Variants in ISM1 observed in about 807,000 individuals in gnomAD.
ISM1 encodes the protein isthmin-1.
Under a neutral mutation model 46.3 loss-of-function variants are expected in ISM1, and 25 were observed. The observed-to-expected ratio is 0.54, with a 90% confidence interval of 0.39 to 0.75. ISM1 has a LOEUF of 0.75. Ranked by LOEUF, ISM1 falls within the 30% of genes least tolerant of loss-of-function variation. The probability of loss-of-function intolerance (pLI) is 0.00; values close to 1 mark genes in which losing one functional copy is unlikely to be tolerated. For missense variants in ISM1, 536 were observed against 625.4 expected (o/e 0.86, Z 1.52); for synonymous variants, 255 against 256.7 (o/e 0.99, Z 0.06).
chr20:13,297,168 C>A (rs1352723118), intron 5 of ISM1, among the ~76,000 whole-genome samples: 1 of 152,174 alleles, frequency 6.6e-6, no homozygotes, highest in African/African-American at 2.4e-5. Context: ...TTTCTAAGTC[C>A]TATGGGGAAA....
At chr20:13,290,224 T>C (rs560957097) in intron 4 of ISM1, among the ~76,000 whole-genome samples, 160 of 151,824 alleles carry the variant, frequency 1.1e-3, no homozygotes, top group African/African-American at 3.8e-3. Flanking sequence ...GTGGGTGGAA[T>C]CTGGATGTGT....
chr20:13,257,360 C>T (rs1324668394), intron 1 of ISM1, among the ~76,000 whole-genome samples: 1 of 151,964 alleles, frequency 6.6e-6, no homozygotes, highest in Non-Finnish European at 1.5e-5. Flanking sequence ...ACTAAAAATA[C>T]AAAAAAATTA....
chr20:13,320,484 A>T, the ISM1 span, among the ~76,000 whole-genome samples: 81 of 152,338 alleles, frequency 5.3e-4, no homozygotes, highest in African/African-American at 1.8e-3. Flanking sequence ...GAAGTATAGG[A>T]CAGATATTAG....
At chr20:13,264,321 G>T (rs549385512) in intron 1 of ISM1, among the ~76,000 whole-genome samples, 1 of 152,192 alleles carries the variant, frequency 6.6e-6, no homozygotes, top group East Asian at 1.9e-4. Flanking sequence ...TTACTGATTT[G>T]TGCCTCTTCT....
At chr20:13,321,253 T>TAAAAAAAAAAAAAAAAAAAAAAAAAAA in the ISM1 span, among the ~76,000 whole-genome samples, 2 of 57,518 alleles carry the variant, frequency 3.5e-5, no homozygotes, top group African/African-American at 7.6e-5. Flanking sequence ...GTGCCCCACA[T>TAAAAAAAAAAAAAAAAAAAAAAAAAAA]AAAAAAAAAA....
intron 5 of ISM1, among the ~76,000 whole-genome samples, chr20:13,292,893 T>C: frequency 6.6e-6 from 1 of 152,068 alleles, no homozygotes. Context: ...CTCCATCCCC[T>C]GCAAAAATTT....
chr20:13,306,564 C>CAAAAAGAAAAAA, the ISM1 span, among the ~76,000 whole-genome samples: 1 of 63,914 alleles, frequency 1.6e-5, no homozygotes, highest in Non-Finnish European at 2.6e-5. Flanking sequence ...GGAGAAAGGA[C>CAAAAAGAAAAAA]AAAAAAAAAA....
Position 13,270,583 on chromosome 20 carries a change from AC to A in ISM1, c.220del (p.His74ThrfsTer56), listed in dbSNP as rs1449629333. 1 of 1,613,850 alleles carries A rather than the reference AC, an allele frequency of 6.2e-7. No individual in the cohort carries two copies. The highest frequency in any genetic ancestry group is 1.3e-5 in the African/African-American group (1 of 74,910). On this transcript the variant is annotated frameshift_variant, in exon 2 of 6. Transcript: ENST00000262487. LOFTEE classifies it high-confidence loss of function. ...AAAGAAGCACCAAGGGAGCATCTGG[AC>A]CACCAGGCTGCACACCAACCCTTCC... ...LSKEAPREHL[D>X]HQAAHQPFPR...
chr20:13,260,472 T>C (rs942270905), intron 1 of ISM1, among the ~76,000 whole-genome samples: 7 of 152,210 alleles, frequency 4.6e-5, no homozygotes, highest in African/African-American at 1.2e-4. Flanking sequence ...GGTAGAAGGA[T>C]AGAGAGAAAG....
chr20:13,244,693 G>C (rs930556230), intron 1 of ISM1, among the ~76,000 whole-genome samples: 14 of 152,182 alleles, frequency 9.2e-5, no homozygotes, highest in African/African-American at 3.4e-4. Flanking sequence ...TCCCTGGCCA[G>C]GTTTTGACCA....
chr20:13,270,734 A>T lies in ISM1; in HGVS notation c.369A>T (p.Pro123=), dbSNP rs1386253381. ...LSKADINGQN[P]NIQVTIEVVD... ...AAGCTGATATCAATGGGCAGAATCC[A>T]AATATCCAGGTAATTCTTGGCACCT... Residue 123 remains proline (P), a synonymous_variant, in exon 2 of 6, where the codon CCA becomes CCT. Transcript: ENST00000262487. 11 of 1,613,726 alleles carry T rather than the reference A, an allele frequency of 6.8e-6. No homozygotes were observed. Among genetic ancestry groups the T allele is most frequent in the Non-Finnish European group, 9.3e-6 (11 of 1,179,744 alleles).
intron 4 of ISM1, among the ~76,000 whole-genome samples, chr20:13,292,003 G>A (rs2040358149): frequency 6.6e-6 from 1 of 152,170 alleles, no homozygotes; most frequent in Non-Finnish European, 1.5e-5. Flanking sequence ...AACGCACACA[G>A]TCAGTCATTA....
At chr20:13,301,652 G>A (rs910404527), downstream of ISM1, among the ~76,000 whole-genome samples, 13 of 152,068 alleles carry the variant, frequency 8.5e-5, no homozygotes, top group East Asian at 9.6e-4. Context: ...GAATCAATGC[G>A]TCCGTGTATC....
chr20:13,266,988 A>G (rs778104793), intron 1 of ISM1, among the ~76,000 whole-genome samples: 4 of 152,202 alleles, frequency 2.6e-5, no homozygotes, highest in Non-Finnish European at 5.9e-5. Context: ...CTTCTGCATT[A>G]CTAGGATATT....
At chr20:13,257,290 G>A (rs2039939265) in intron 1 of ISM1, among the ~76,000 whole-genome samples, 2 of 152,180 alleles carry the variant, frequency 1.3e-5, no homozygotes, top group Non-Finnish European at 2.9e-5. Flanking sequence ...CAAAGTGGGA[G>A]GATCATCTGA....
Position 13,295,521 on chromosome 20 carries a change from C to G in ISM1, c.877+3058C>G, listed in dbSNP as rs144064019. On this transcript the variant is annotated intron_variant, in intron 5 of 5. Transcript: ENST00000262487. ...CAATGAATGCTACCTGGAGAGCCTT[C>G]CCTTGTCCTTCCCCCATCGATGCTA... 2.9e-3 allele frequency among the ~76,000 whole-genome samples: 437 copies of G among 152,322 alleles called. 2 individuals are homozygous for G. Among genetic ancestry groups the G allele is most frequent in the Non-Finnish European group, 2.9e-3 (194 of 68,038 alleles).
Position 13,300,641 on chromosome 20 carries a change from A to G in ISM1, c.*1182A>G, listed in dbSNP as rs1395634687. The stretch of plus-strand genomic sequence containing the variant: ...AAAAGAGAGTATATAATAAAATCAT[A>G]ATAAAAGGTGTTACCTGCATCCTTC... On this transcript the variant is annotated 3_prime_UTR_variant, in exon 6 of 6. Coordinates refer to ENST00000262487, the MANE Select transcript of ISM1 (RefSeq NM_080826.2). The G allele has an allele frequency of 6.6e-6, 1 of 152,222 alleles. No individual in the cohort carries two copies. The highest frequency in any genetic ancestry group is 1.5e-5 in the Non-Finnish European group (1 of 68,040). The allele number at this position is 152,222 out of a possible 1,614,324, so 9.4% of individuals were successfully genotyped here. A position where few individuals can be genotyped will look rare whatever the true frequency, so the allele number is the denominator to read the frequency against.
chr20:13,297,066 C>G (rs2040414082), intron 5 of ISM1, among the ~76,000 whole-genome samples: 1 of 152,076 alleles, frequency 6.6e-6, no homozygotes, highest in Non-Finnish European at 1.5e-5. Flanking sequence ...TTGTCCTGAT[C>G]AATCAGTGAG....
the ISM1 span, among the ~76,000 whole-genome samples, chr20:13,313,356 A>C: frequency 2.0e-5 from 3 of 152,248 alleles, no homozygotes; most frequent in Admixed American, 2.0e-4. Flanking sequence ...GGATGTGTAA[A>C]CAGACTGTAG....
Sources: gnomAD v4.1 joint callset for allele counts (sites outside exome capture counted in the v4.1 genomes callset) on GRCh38, gnomAD v4.1.1 for gene constraint, MANE v1.5 for transcripts, NCBI Gene and HGNC (gene_info 2026-07-23, HGNC 2026-07-21) for gene names.